SNX4: variants seen among roughly 807,000 people sequenced by gnomAD.
SNX4 encodes the protein sorting nexin 4.
A neutral mutation model predicts 70.8 loss-of-function variants in SNX4; 49 were observed. The observed-to-expected ratio is 0.69, with a 90% CI of 0.55 to 0.88. SNX4 has a LOEUF of 0.88. Among genes scored for constraint, SNX4 ranks in the 40% least tolerant of loss-of-function variants. The probability of loss-of-function intolerance (pLI) is 0.00; values close to 1 mark genes in which losing one functional copy is unlikely to be tolerated. For synonymous variants in SNX4, 206 were observed against 183.8 expected (o/e 1.12, Z -0.98); for missense variants, 528 against 544.8 (o/e 0.97, Z 0.31).
intron 9 of SNX4, among the ~76,000 whole-genome samples, chr3:125,468,248 T>C (rs77409728): frequency 0.066 from 9,985 of 152,182 alleles, 438 homozygotes; most frequent in South Asian, 0.099. Context: ...TACTTAAGGG[T>C]GGAGGTTAGG....
At chr3:125,450,140 G>A (rs1232781629) in intron 13 of SNX4, among the ~76,000 whole-genome samples, 1 of 152,138 alleles carries the variant, frequency 6.6e-6, no homozygotes, top group East Asian at 1.9e-4. Context: ...CCTAGCTGCA[G>A]GCAAGAAGAG....
chr3:125,509,960 G>C (rs1935135699), intron 1 of SNX4, among the ~76,000 whole-genome samples: 1 of 152,108 alleles, frequency 6.6e-6, no homozygotes, highest in Non-Finnish European at 1.5e-5. Flanking sequence ...TAGAAAATCA[G>C]TGTTGGTGAG....
intron 8 of SNX4, among the ~76,000 whole-genome samples, chr3:125,473,683 G>C (rs1456480316): frequency 6.6e-6 from 1 of 152,126 alleles, no homozygotes; most frequent in African/African-American, 2.4e-5. Context: ...TCAAAGTGCT[G>C]GGATTACAGG....
chr3:125,449,967 G>C (rs1040682114), intron 13 of SNX4, among the ~76,000 whole-genome samples: 3 of 152,190 alleles, frequency 2.0e-5, no homozygotes, highest in African/African-American at 7.2e-5. Context: ...CTGTACTACT[G>C]GGTGTGGTGG....
rs1934872766 is a variant in SNX4, at chr3:125,499,193, CT to C, written c.264-1000del. Among the ~76,000 whole-genome samples, 3 of 152,166 alleles carry C rather than the reference CT, an allele frequency of 2.0e-5. No individual in the cohort carries two copies. The South Asian group carries it at 6.2e-4, about 32-fold the overall frequency. ...ATAAAGGATATTTTAAATATTTTGA[CT>C]ACTTAGGATTTCTTGCCAGCATAAG... On this transcript the variant is annotated intron_variant, in intron 2 of 13. Transcript: ENST00000251775.
chr3:125,470,952 TG>T, intron 8 of SNX4, among the ~76,000 whole-genome samples: 1 of 152,324 alleles, frequency 6.6e-6, no homozygotes, highest in East Asian at 1.9e-4. Flanking sequence ...GTCAGGCAGC[TG>T]ATCAGAGACA....
intron 1 of SNX4, 134 bp from the exon 2 acceptor site, chr3:125,504,878 G>T: frequency 1.0e-6 from 1 of 967,284 alleles, no homozygotes; most frequent in South Asian, 2.4e-5. Flanking sequence ...TTCTTGAGTT[G>T]CCAGGGGTTG....
chr3:125,504,291 C>CCACT (rs1274968676), intron 2 of SNX4, among the ~76,000 whole-genome samples: 1 of 150,818 alleles, frequency 6.6e-6, no homozygotes, highest in East Asian at 1.9e-4. Flanking sequence ...CAAGATCATG[C>CCACT]CACTGCATTC....
chr3:125,507,468 G>A (rs907386114), intron 1 of SNX4, among the ~76,000 whole-genome samples: 2 of 152,102 alleles, frequency 1.3e-5, no homozygotes, highest in Non-Finnish European at 2.9e-5. Flanking sequence ...AGAAAAAGGA[G>A]AAGGGACAGT....
chr3:125,459,253 C>T (rs745528150), intron 10 of SNX4, among the ~76,000 whole-genome samples: 7 of 152,136 alleles, frequency 4.6e-5, no homozygotes, highest in Non-Finnish European at 7.4e-5. Flanking sequence ...CAGATATAAT[C>T]GGTGTTACCA....
At chr3:125,458,349 G>A (rs1437204848) in intron 10 of SNX4, among the ~76,000 whole-genome samples, 4 of 151,690 alleles carry the variant, frequency 2.6e-5, no homozygotes, top group African/African-American at 9.7e-5. Context: ...TTTGTGCTTT[G>A]TAGAGATGGG....
chr3:125,519,948 G>GGCCCGGCCCAGCCCA (rs1396366108), intron 1 of SNX4, 84 bp downstream of exon 1: 9 of 775,322 alleles, frequency 1.2e-5, no homozygotes, highest in African/African-American at 6.7e-5. Context: ...GGCCCGGCCC[G>GGCCCGGCCCAGCCCA]GCCCAGCCCA....
In SNX4 at chr3:125,489,302, TA is replaced by T. The variant is rs1359479974; in HGVS notation, c.653+105del. On this transcript the variant is annotated intron_variant, in intron 6 of 13. Coordinates refer to ENST00000251775, the MANE Select transcript of SNX4 (RefSeq NM_003794.4). Reference sequence around the variant, plus strand: ...AAGGATTTCACTAAATGTGAATATGTAAACTATTTAGCAAATAAAGTGCATA... The same window carrying T: ...AAGGATTTCACTAAATGTGAATATGTAACTATTTAGCAAATAAAGTGCATA... 5.2e-5 allele frequency: 43 copies of T among 833,002 alleles called. No homozygotes were observed. The East Asian group carries it at 1.1e-3, about 21-fold the overall frequency. 51.6% of individuals were successfully genotyped at this position (833,002 alleles called of 1,614,324 possible). A position where few individuals can be genotyped will look rare whatever the true frequency, so the allele number is the denominator to read the frequency against.
chr3:125,449,503 C>T (rs1242865378), intron 13 of SNX4, among the ~76,000 whole-genome samples: 4 of 151,910 alleles, frequency 2.6e-5, no homozygotes, highest in Non-Finnish European at 5.9e-5. Flanking sequence ...TCAAGTGATC[C>T]TCCTGCCTCA....
At chr3:125,495,564 A>G (rs1038807232) in intron 5 of SNX4, among the ~76,000 whole-genome samples, 7 of 148,328 alleles carry the variant, frequency 4.7e-5, no homozygotes, top group African/African-American at 1.8e-4. Context: ...AGTACAATAC[A>G]TAAGGCTCCC....
At chr3:125,482,178 G>C (rs972372840) in intron 6 of SNX4, among the ~76,000 whole-genome samples, 3 of 152,138 alleles carry the variant, frequency 2.0e-5, no homozygotes, top group Non-Finnish European at 4.4e-5. Flanking sequence ...TCACGATTAT[G>C]ATCTACATAT....
chr3:125,450,758 T>C (rs936992224), intron 13 of SNX4, among the ~76,000 whole-genome samples: 1 of 152,256 alleles, frequency 6.6e-6, no homozygotes, highest in Admixed American at 6.5e-5. Flanking sequence ...TGATTTACTT[T>C]ATGAGGAAGC....
chr3:125,501,335 A>G (rs1478521756), intron 2 of SNX4, among the ~76,000 whole-genome samples: 1 of 152,166 alleles, frequency 6.6e-6, no homozygotes, highest in Non-Finnish European at 1.5e-5. Flanking sequence ...ATCATGGTCC[A>G]GCTGGGCACA....
chr3:125,503,616 G>T (rs891296918), intron 2 of SNX4, among the ~76,000 whole-genome samples: 5 of 152,030 alleles, frequency 3.3e-5, no homozygotes, highest in African/African-American at 1.2e-4. Context: ...TGTCCTAAGA[G>T]GATTCAGACC....
Sources: gnomAD v4.1 joint callset for allele counts (sites outside exome capture counted in the v4.1 genomes callset) on GRCh38, gnomAD v4.1.1 for gene constraint, MANE v1.5 for transcripts, NCBI Gene and HGNC (gene_info 2026-07-23, HGNC 2026-07-21) for gene names.